SHANK2: variants seen among roughly 807,000 people sequenced by gnomAD.
The protein encoded by SHANK2 is SH3 and multiple ankyrin repeat domains protein 2.
A neutral mutation model predicts 133.7 loss-of-function variants in SHANK2; 43 were observed. The ratio of observed to expected loss-of-function variants is 0.32; its 90% CI spans 0.25 to 0.41. SHANK2 has a LOEUF of 0.41. SHANK2 is among the 10% of genes least tolerant of loss of function. The probability of loss-of-function intolerance (pLI) is 1.00; values close to 1 mark genes in which losing one functional copy is unlikely to be tolerated. For missense variants in SHANK2, 1,994 were observed against 2,235.8 expected, an observed-to-expected ratio of 0.89 and a Z score of 2.18; for synonymous variants, 1,017 against 952.8, an observed-to-expected ratio of 1.07 and a Z score of -1.24.
intron 10 of SHANK2, among the ~76,000 whole-genome samples, chr11:70,901,748 C>T (rs1950026329): frequency 6.6e-6 from 1 of 152,174 alleles, no homozygotes; most frequent in Non-Finnish European, 1.5e-5. Context: ...CCATCGCCAG[C>T]TTTGGAGTAC....
At chr11:70,579,773 G>A (rs1554985000) in intron 17 of SHANK2, among the ~76,000 whole-genome samples, 1 of 152,254 alleles carries the variant, frequency 6.6e-6, no homozygotes, top group Admixed American at 6.5e-5. Context: ...TGAAGACCTG[G>A]AGATGGCCCT....
At chr11:71,063,192 G>A (rs1951008999) in intron 9 of SHANK2, among the ~76,000 whole-genome samples, 1 of 152,128 alleles carries the variant, frequency 6.6e-6, no homozygotes, top group Admixed American at 6.5e-5. Flanking sequence ...ATCCTCAGCA[G>A]GCACTGCCAT....
intron 14 of SHANK2, among the ~76,000 whole-genome samples, chr11:70,728,357 C>T (rs1555031226): frequency 6.6e-6 from 1 of 152,214 alleles, no homozygotes; most frequent in Non-Finnish European, 1.5e-5. Context: ...ATCCGAGGCA[C>T]CGTGACTTGG....
chr11:71,241,409 C>A (rs1386996988), intron 1 of SHANK2, among the ~76,000 whole-genome samples: 4 of 152,128 alleles, frequency 2.6e-5, no homozygotes, highest in Non-Finnish European at 5.9e-5. Flanking sequence ...CTTCCCCTGC[C>A]CCACACAGGC....
Position 71,094,601 on chromosome 11 carries a change from CG to C in SHANK2, c.679del (p.Arg227ValfsTer6), listed in dbSNP as rs1590905201. The C allele has an allele frequency of 2.6e-6, 4 of 1,551,516 alleles. No homozygotes were observed. The highest frequency in any genetic ancestry group is 3.5e-6 in the Non-Finnish European group (4 of 1,146,964). On this transcript the variant is annotated frameshift_variant, in exon 7 of 26. Transcript: ENST00000601538. LOFTEE classifies it high-confidence loss of function. ...TAGGGCGGTCATCCCATCTTTGGCA[CG>C]GAAGTCCAGGTGAGCTCCACCATTT... ...LKNGGAHLDF[R>X]AKDGMTALHK...
intron 2 of SHANK2, among the ~76,000 whole-genome samples, chr11:71,216,383 G>A (rs555246887): frequency 5.3e-5 from 8 of 152,282 alleles, no homozygotes; most frequent in East Asian, 3.9e-4. Flanking sequence ...TGTATTATAC[G>A]ATTCCATTTA....
chr11:70,847,199 G>A (rs1949009924), intron 11 of SHANK2, among the ~76,000 whole-genome samples: 1 of 152,180 alleles, frequency 6.6e-6, no homozygotes, highest in South Asian at 2.1e-4. Flanking sequence ...AGAGACACAG[G>A]TCTACGTTCC....
rs184021177 is a variant in SHANK2 at position 71,095,542 on chromosome 11, A to C, written c.593-854T>G. On this transcript the variant is annotated intron_variant, in intron 6 of 25. Transcript: ENST00000601538. ...AACACACAAGTTCCCATGACCCAGAAACACCAACAATGAATATTCACTCGG... is the reference window on the plus strand; with the variant it reads ...AACACACAAGTTCCCATGACCCAGACACACCAACAATGAATATTCACTCGG... 4.3e-4 allele frequency among the ~76,000 whole-genome samples: 66 copies of C among 152,278 alleles called. No individual in the cohort carries two copies. In the East Asian group the frequency reaches 0.011, roughly 26 times the overall value.
intron 17 of SHANK2, among the ~76,000 whole-genome samples, chr11:70,605,081 G>A (rs2060556834): frequency 6.6e-6 from 1 of 152,248 alleles, no homozygotes; most frequent in Non-Finnish European, 1.5e-5. Context: ...GCAGCCCTCC[G>A]AGGATGGGAG....
At position 70,514,957 on chromosome 11, in the gene SHANK2, G is replaced by A. The variant is rs115813795; in HGVS notation, c.2062-12026C>T. Among the ~76,000 whole-genome samples, 1,268 of 152,258 alleles carry A rather than the reference G, an allele frequency of 8.3e-3. 11 individuals carry two copies. Among genetic ancestry groups the A allele is most frequent in the African/African-American group, 0.029 (1,198 of 41,548 alleles). On this transcript the variant is annotated intron_variant, in intron 17 of 25. Coordinates refer to ENST00000601538, the MANE Select transcript of SHANK2 (RefSeq NM_012309.5). Reference sequence around the variant, plus strand: ...AAAAGAAGACCTAATTATGCTGTCCGTACACTTTCAATACAAAGACACTGA... The same window carrying A: ...AAAAGAAGACCTAATTATGCTGTCCATACACTTTCAATACAAAGACACTGA...
At chr11:70,666,091 G>C (rs1478925014) in intron 15 of SHANK2, among the ~76,000 whole-genome samples, 4 of 152,136 alleles carry the variant, frequency 2.6e-5, no homozygotes, top group African/African-American at 9.7e-5. Flanking sequence ...GTGGGAGGTG[G>C]GCGAAGGATG....
chr11:71,105,523 C>T (rs1416253190), intron 6 of SHANK2, among the ~76,000 whole-genome samples: 15 of 135,146 alleles, frequency 1.1e-4, no homozygotes, highest in Admixed American at 8.5e-4. Flanking sequence ...ACTCGGGAGG[C>T]GGAGGTTGCA....
intron 17 of SHANK2, among the ~76,000 whole-genome samples, chr11:70,522,458 C>G (rs2059342312): frequency 6.6e-6 from 1 of 152,252 alleles, no homozygotes; most frequent in South Asian, 2.1e-4. Context: ...AGCCACACTT[C>G]TGCACGTGCA....
In SHANK2 at chr11:71,117,470, T is replaced by C. The variant is rs76753415; in HGVS notation, c.411+1359A>G. ...GAGTATCTCTGGAGCACTAATGAGA[T>C]GACTCTCAACTCCCAGGTAGCTTCC... On this transcript the variant is annotated intron_variant, in intron 4 of 25. Transcript: ENST00000601538. Among the ~76,000 whole-genome samples the C allele has an allele frequency of 4.1e-3, 630 of 152,322 alleles. 2 individuals carry two copies. Among genetic ancestry groups the C allele is most frequent in the African/African-American group, 0.015 (612 of 41,576 alleles).
At chr11:71,099,394 G>C (rs1410117513) in intron 6 of SHANK2, among the ~76,000 whole-genome samples, 1 of 152,228 alleles carries the variant, frequency 6.6e-6, no homozygotes, top group Non-Finnish European at 1.5e-5. Context: ...TGCTGATAAG[G>C]GGGGAAGCTG....
chr11:70,689,529 T>A (rs1555020459), intron 15 of SHANK2, among the ~76,000 whole-genome samples: 1 of 152,122 alleles, frequency 6.6e-6, no homozygotes, highest in Non-Finnish European at 1.5e-5. Context: ...AAATATGACA[T>A]TCCTACAAAC....
chr11:70,568,599 A>T (rs1222041095), intron 17 of SHANK2, among the ~76,000 whole-genome samples: 2 of 140,116 alleles, frequency 1.4e-5, no homozygotes, highest in Admixed American at 7.3e-5. Context: ...TTCTGGGAGG[A>T]TACATCTCCC....
intron 2 of SHANK2, among the ~76,000 whole-genome samples, chr11:71,210,210 G>GTGTATATCTATGTATATATATATATA (rs1491563939): frequency 1.8e-5 from 1 of 54,074 alleles, no homozygotes; most frequent in Non-Finnish European, 3.2e-5. Context: ...AAATCCACAG[G>GTGTATATCTATGTATATATATATATA]TATATATATA....
Position 70,821,582 on chromosome 11 carries a change from C to T in SHANK2, c.1175-900G>A, listed in dbSNP as rs546157975. On this transcript the variant is annotated intron_variant, in intron 11 of 25. Coordinates refer to ENST00000601538, the MANE Select transcript of SHANK2 (RefSeq NM_012309.5). ...CTGGGATTACAGGTGCCCGCCACCA[C>T]GCCTGCTAATTTTTGTATTTTTAGT... Among the ~76,000 whole-genome samples the T allele has an allele frequency of 2.4e-4, 36 of 152,190 alleles. No homozygotes were observed. In the South Asian group the frequency reaches 2.9e-3, roughly 12 times the overall value.
Sources: gnomAD v4.1 joint callset for allele counts (sites outside exome capture counted in the v4.1 genomes callset) on GRCh38, gnomAD v4.1.1 for gene constraint, MANE v1.5 for transcripts, NCBI Gene and HGNC (gene_info 2026-07-23, HGNC 2026-07-21) for gene names.